PPP2R2B: variants seen among roughly 807,000 people sequenced by gnomAD.
PPP2R2B encodes protein phosphatase 2 regulatory subunit Bbeta.
PPP2R2B carries 5 observed loss-of-function variants against 46.0 expected under a neutral mutation model. The observed-to-expected ratio is 0.11, with a 90% CI of 0.06 to 0.23. PPP2R2B has a LOEUF of 0.23. Among genes scored for constraint, PPP2R2B ranks in the 10% least tolerant of loss-of-function variants. PPP2R2B has a pLI of 1.00. For synonymous variants in PPP2R2B, 215 were observed against 206.7 expected, an observed-to-expected ratio of 1.04 and a Z score of -0.34; for missense variants, 367 against 575.0, an observed-to-expected ratio of 0.64 and a Z score of 3.70.
chr5:146,952,350 G>A (rs1434115965), intron 1 of PPP2R2B, among the ~76,000 whole-genome samples: 1 of 151,996 alleles, frequency 6.6e-6, no homozygotes, highest in East Asian at 1.9e-4. Flanking sequence ...TCCTGCTGGG[G>A]CACCTCTTTT....
intron 4 of PPP2R2B, among the ~76,000 whole-genome samples, chr5:146,691,730 A>AC (rs1485186075): frequency 4.6e-5 from 7 of 151,374 alleles, no homozygotes; most frequent in Non-Finnish European, 7.4e-5. Context: ...CACCTTTCTG[A>AC]CCCCCCTGTC....
intron 1 of PPP2R2B, chr5:147,054,593 A>G (rs1756982945): frequency 4.4e-6 from 2 of 456,082 alleles, no homozygotes; most frequent in Admixed American, 4.7e-5. Flanking sequence ...CGGATAAAAA[A>G]TTACCTTATG....
At chr5:146,684,049 G>A (rs1465668934) in intron 5 of PPP2R2B, among the ~76,000 whole-genome samples, 2 of 152,088 alleles carry the variant, frequency 1.3e-5, no homozygotes, top group South Asian at 2.1e-4. Flanking sequence ...TCTAATCCAG[G>A]AGCCGTTGGT....
chr5:146,837,891 A>G (rs1759388589), intron 2 of PPP2R2B, among the ~76,000 whole-genome samples: 2 of 152,184 alleles, frequency 1.3e-5, no homozygotes, highest in Admixed American at 6.5e-5. Context: ...GAAGAATGGT[A>G]TCAGAGAAAC....
chr5:146,751,931 G>T (rs1230980452), intron 2 of PPP2R2B, among the ~76,000 whole-genome samples: 1 of 152,118 alleles, frequency 6.6e-6, no homozygotes, highest in African/African-American at 2.4e-5. Context: ...AGCAAGAAGG[G>T]GAGTGTGCTA....
At chr5:147,032,765 G>T (rs931445329) in intron 1 of PPP2R2B, among the ~76,000 whole-genome samples, 2 of 152,122 alleles carry the variant, frequency 1.3e-5, no homozygotes, top group African/African-American at 4.8e-5. Context: ...TTATTGATGG[G>T]CATTTGGATT....
chr5:147,032,340 C>T (rs951440965), intron 1 of PPP2R2B, among the ~76,000 whole-genome samples: 1 of 152,148 alleles, frequency 6.6e-6, no homozygotes. Context: ...ATCAAGACCG[C>T]AATGTGATAC....
intron 2 of PPP2R2B, among the ~76,000 whole-genome samples, chr5:146,757,625 G>A (rs1453339600): frequency 6.6e-6 from 1 of 152,148 alleles, no homozygotes; most frequent in Non-Finnish European, 1.5e-5. Context: ...GGACATAGGG[G>A]TCTTCCCTGG....
At chr5:146,720,324 G>A (rs1780724537) in intron 2 of PPP2R2B, among the ~76,000 whole-genome samples, 1 of 152,218 alleles carries the variant, frequency 6.6e-6, no homozygotes, top group Admixed American at 6.5e-5. Flanking sequence ...AGTAAGCTGA[G>A]CACATCCTTG....
chr5:146,924,179 G>A (rs1763704438), intron 1 of PPP2R2B, among the ~76,000 whole-genome samples: 1 of 152,096 alleles, frequency 6.6e-6, no homozygotes, highest in Admixed American at 6.5e-5. Flanking sequence ...CATGACACAA[G>A]TTTATCTATG....
intron 1 of PPP2R2B, among the ~76,000 whole-genome samples, chr5:146,981,166 AG>A (rs1370502220): frequency 1.3e-5 from 2 of 152,160 alleles, no homozygotes; most frequent in Non-Finnish European, 2.9e-5. Context: ...GGCACATAGC[AG>A]GCACTCTACA....
chr5:146,797,890 G>A (rs1369143785), intron 2 of PPP2R2B, among the ~76,000 whole-genome samples: 2 of 152,300 alleles, frequency 1.3e-5, no homozygotes, highest in Non-Finnish European at 2.9e-5. Flanking sequence ...GGAGTTCAGA[G>A]GTTGGCAGGG....
intron 2 of PPP2R2B, among the ~76,000 whole-genome samples, chr5:146,789,812 G>A (rs564223965): frequency 1.6e-4 from 25 of 152,304 alleles, no homozygotes; most frequent in African/African-American, 5.8e-4. Context: ...AGGATAAAAA[G>A]AGGCCAGACA....
intron 2 of PPP2R2B, among the ~76,000 whole-genome samples, chr5:146,730,138 A>C (rs1329521232): frequency 1.3e-5 from 2 of 152,312 alleles, no homozygotes; most frequent in Non-Finnish European, 1.5e-5. Context: ...TGGATATGAG[A>C]CCTGGAGTCA....
chr5:146,877,732 G>T (rs1397559039), intron 2 of PPP2R2B, among the ~76,000 whole-genome samples: 1 of 152,080 alleles, frequency 6.6e-6, no homozygotes, highest in Non-Finnish European at 1.5e-5. Flanking sequence ...CATCTTTCTG[G>T]GCGAGAGCCC....
intron 9 of PPP2R2B, among the ~76,000 whole-genome samples, chr5:146,591,887 TTGTTAGACTG>T (rs1435760969): frequency 2.0e-5 from 3 of 152,188 alleles, no homozygotes; most frequent in African/African-American, 7.2e-5. Flanking sequence ...GGAAGCAATC[TTGTTAGACTG>T]TGGTTGGGAT....
upstream of PPP2R2B, among the ~76,000 whole-genome samples, chr5:146,879,741 A>T (rs564153885): frequency 2.1e-4 from 32 of 152,350 alleles, no homozygotes; most frequent in South Asian, 6.6e-3. Context: ...AAACAACCAA[A>T]AACATTTAAT....
upstream of PPP2R2B, among the ~76,000 whole-genome samples, chr5:146,880,070 T>G (rs1195034431): frequency 6.6e-6 from 1 of 152,240 alleles, no homozygotes; most frequent in Admixed American, 6.5e-5. Context: ...TAGATTTCCA[T>G]GCAGTATGGA....
chr5:146,766,704 G>T (rs1754498244), intron 2 of PPP2R2B, among the ~76,000 whole-genome samples: 1 of 152,122 alleles, frequency 6.6e-6, no homozygotes, highest in Admixed American at 6.5e-5. Context: ...TCTTGTCTTA[G>T]CTTCTGGAAC....
Sources: allele counts gnomAD v4.1 joint callset (sites outside exome capture counted in the v4.1 genomes callset), GRCh38; gene constraint gnomAD v4.1.1; transcripts MANE v1.5; gene names NCBI Gene and HGNC (gene_info 2026-07-23, HGNC 2026-07-21).